IQCK: variants seen among roughly 807,000 people sequenced by gnomAD.
IQCK encodes the protein IQ motif containing K.
IQCK carries 29 observed loss-of-function variants against 28.1 expected under a neutral mutation model. That is an observed-to-expected ratio of 1.03 (90% CI 0.77 to 1.41). The LOEUF (loss-of-function observed/expected upper bound fraction) is 1.41. Among genes scored for constraint, IQCK ranks in the 40% most tolerant of loss-of-function variants. The pLI is 0.00. For missense variants in IQCK, 359 were observed against 314.7 expected (o/e 1.14, Z -1.07); for synonymous variants, 113 against 115.1 (o/e 0.98, Z 0.12).
intron 1 of IQCK, among the ~76,000 whole-genome samples, chr16:19,728,335 A>C (rs1472749951): frequency 6.6e-6 from 1 of 151,802 alleles, no homozygotes; most frequent in African/African-American, 2.4e-5. Context: ...TGCAACCTCC[A>C]CCTCCCTGGT....
chr16:19,756,896 C>CAA lies in IQCK; in HGVS notation c.475-6935_475-6934dup, dbSNP rs34600488. Reference sequence around the variant, plus strand: ...TGGACAACAGAGCAAGGCTCCATGTCAAAAAAAAAAAAAAAAAAGAAAGAG... The same window carrying CAA: ...TGGACAACAGAGCAAGGCTCCATGTCAAAAAAAAAAAAAAAAAAAAGAAAGAG... On this transcript the variant is annotated intron_variant, in intron 4 of 7. Transcript: ENST00000564186. 3.7e-3 allele frequency among the ~76,000 whole-genome samples: 353 copies of CAA among 96,110 alleles called. 6 individuals are homozygous for CAA. Among genetic ancestry groups the CAA allele is most frequent in the African/African-American group, 9.6e-3 (301 of 31,254 alleles). 63.1% of individuals were successfully genotyped at this position (96,110 alleles called of 152,430 possible).
chr16:19,854,218 A>C (rs1045858633), intron 9 of IQCK, among the ~76,000 whole-genome samples: 7 of 152,274 alleles, frequency 4.6e-5, no homozygotes, highest in African/African-American at 7.2e-5. Context: ...ACAAGCAGCC[A>C]GGGTAGAAAA....
chr16:19,735,384 C>G lies in IQCK; in HGVS notation c.408C>G (p.Ile136Met), dbSNP rs372948080. 1.5e-5 allele frequency: 24 copies of G among 1,613,900 alleles called. No individual in the cohort carries two copies. The South Asian group carries it at 2.3e-4, about 16-fold the overall frequency. The stretch of plus-strand genomic sequence containing the variant: ...CCAAAGAATATTTGGAAACTTTCAT[C>G]TTTCCTGTTCTGCTTCCCGGAATGG... Residue 136 changes from isoleucine to methionine, a missense_variant, in exon 4 of 8, where the codon ATC becomes ATG. Ile to Met is a conservative substitution (Grantham distance 10). Transcript: ENST00000564186.
intron 2 of IQCK, among the ~76,000 whole-genome samples, chr16:19,733,143 AT>A (rs370654999): frequency 2.9e-4 from 42 of 145,774 alleles, no homozygotes; most frequent in African/African-American, 3.5e-4. Flanking sequence ...TTATTTATTT[AT>A]TTTTTTTTTT....
At position 19,730,390 on chromosome 16, in the gene IQCK, T is replaced by G. The variant is rs768195121; in HGVS notation, c.182-40T>G. 4 of 1,441,564 alleles carry G rather than the reference T, an allele frequency of 2.8e-6. No individual in the cohort carries two copies. The South Asian group carries it at 5.1e-5, about 18-fold the overall frequency. 89.3% of individuals were successfully genotyped at this position (1,441,564 alleles called of 1,614,324 possible). A position where few individuals can be genotyped will look rare whatever the true frequency, so the allele number is the denominator to read the frequency against. On this transcript the variant is annotated intron_variant, in intron 1 of 7. Coordinates refer to ENST00000564186, the Ensembl canonical transcript of IQCK. ...AAGGAAATTACACCAGAAACTCTAG[T>G]GAAGTATGGAATTGAGGATTTTTTT...
intron 4 of IQCK, among the ~76,000 whole-genome samples, chr16:19,753,515 A>G (rs901415968): frequency 6.6e-6 from 1 of 152,196 alleles, no homozygotes; most frequent in African/African-American, 2.4e-5. Flanking sequence ...CCTGTTAGGC[A>G]TCCAAAGCCC....
intron 6 of IQCK, among the ~76,000 whole-genome samples, chr16:19,771,372 T>C (rs895590678): frequency 2.0e-5 from 3 of 151,798 alleles, no homozygotes; most frequent in African/African-American, 7.3e-5. Context: ...GATTACAGTT[T>C]TAAGCCACCA....
chr16:19,786,992 G>A (rs1410795762), intron 6 of IQCK, among the ~76,000 whole-genome samples: 1 of 79,278 alleles, frequency 1.3e-5, no homozygotes, highest in Non-Finnish European at 2.1e-5. Context: ...CCTGGCAAAA[G>A]CACTGCACTC....
chr16:19,803,666 T>G (rs2055790276), intron 7 of IQCK, among the ~76,000 whole-genome samples: 1 of 152,284 alleles, frequency 6.6e-6, no homozygotes. Context: ...TATTTTTTAT[T>G]TTCAGAGACA....
At chr16:19,780,313 A>ATTACATGCACTTTGAGCAC (rs1329495713) in intron 6 of IQCK, among the ~76,000 whole-genome samples, 2 of 151,982 alleles carry the variant, frequency 1.3e-5, no homozygotes, top group African/African-American at 4.8e-5. Context: ...AAGTGCTGGG[A>ATTACATGCACTTTGAGCAC]TTACAAGCAT....
intron 7 of IQCK, among the ~76,000 whole-genome samples, chr16:19,808,557 T>C (rs912271768): frequency 6.6e-6 from 1 of 152,214 alleles, no homozygotes; most frequent in Non-Finnish European, 1.5e-5. Flanking sequence ...TACGTGAGGC[T>C]GATAATAATA....
Position 19,729,635 on chromosome 16 carries a change from A to AT in IQCK, c.182-792dup, listed in dbSNP as rs1258453395. Among the ~76,000 whole-genome samples the AT allele has an allele frequency of 5.3e-5, 8 of 150,962 alleles. No individual in the cohort carries two copies. The East Asian group carries it at 9.7e-4, about 18-fold the overall frequency. ...CGACTTTATTATTTTATTTTATTTT[A>AT]TTTATTTATTTATTTTTTATTTTTT... is the stretch of plus-strand genomic sequence containing the variant. On this transcript the variant is annotated intron_variant, in intron 1 of 7. Transcript: ENST00000564186.
At chr16:19,838,980 C>G (rs2141108524) in intron 9 of IQCK, among the ~76,000 whole-genome samples, 1 of 134,538 alleles carries the variant, frequency 7.4e-6, no homozygotes, top group Non-Finnish European at 1.5e-5. Flanking sequence ...GATCACGCCA[C>G]TGCACTCCAG....
At chr16:19,773,063 C>T (rs1218636529) in intron 6 of IQCK, among the ~76,000 whole-genome samples, 2 of 152,044 alleles carry the variant, frequency 1.3e-5, no homozygotes, top group Non-Finnish European at 2.9e-5. Context: ...CTTATGAGCA[C>T]TTGATAGTGT....
chr16:19,744,268 A>G (rs2054876618), intron 4 of IQCK, among the ~76,000 whole-genome samples: 1 of 152,120 alleles, frequency 6.6e-6, no homozygotes, highest in Non-Finnish European at 1.5e-5. Context: ...TAAGCACACA[A>G]ATAGTATATT....
chr16:19,734,492 G>A (rs1977945393), intron 3 of IQCK, among the ~76,000 whole-genome samples: 1 of 146,898 alleles, frequency 6.8e-6, no homozygotes, highest in African/African-American at 2.6e-5. Flanking sequence ...ATCCAGGCAT[G>A]GTGGTGCACA....
chr16:19,828,987 TAA>T (rs2056192926), downstream of IQCK, among the ~76,000 whole-genome samples: 2 of 144,128 alleles, frequency 1.4e-5, no homozygotes, highest in Non-Finnish European at 3.0e-5. Flanking sequence ...ATTATATATA[TAA>T]TTAAATATAT....
intron 4 of IQCK, among the ~76,000 whole-genome samples, chr16:19,760,082 C>G (rs1163389878): frequency 2.0e-5 from 3 of 152,074 alleles, no homozygotes; most frequent in Non-Finnish European, 4.4e-5. Flanking sequence ...AGAGATCATG[C>G]CACTATACTC....
chr16:19,718,980 T>G (rs1012812431), intron 1 of IQCK, among the ~76,000 whole-genome samples: 2 of 152,004 alleles, frequency 1.3e-5, no homozygotes, highest in Non-Finnish European at 2.9e-5. Context: ...GACAAACGGG[T>G]TTTAGTCCCT....
Sources: gnomAD v4.1 joint callset for allele counts (sites outside exome capture counted in the v4.1 genomes callset) on GRCh38, gnomAD v4.1.1 for gene constraint, MANE v1.5 for transcripts, NCBI Gene and HGNC (gene_info 2026-07-23, HGNC 2026-07-21) for gene names.